Variants in SNRNP200 observed in about 807,000 individuals in gnomAD.
The protein encoded by SNRNP200 is small nuclear ribonucleoprotein U5 subunit 200.
SNRNP200 carries 66 observed loss-of-function variants against 255.2 expected under a neutral mutation model. The observed-to-expected ratio is 0.26, with a 90% CI of 0.21 to 0.32. The LOEUF (loss-of-function observed/expected upper bound fraction) is 0.32, where lower values mean the gene tolerates loss of function less well. Ranked by LOEUF, SNRNP200 falls within the 10% of genes least tolerant of loss-of-function variation. The pLI is 1.00. For missense variants in SNRNP200, 1,585 were observed against 2,749.8 expected, an observed-to-expected ratio of 0.58 and a Z score of 9.47; for synonymous variants, 939 against 1,027.8, an observed-to-expected ratio of 0.91 and a Z score of 1.65.
rs2063866129 is a variant in SNRNP200, at chr2:96,288,754, G to C, written c.3175-8C>G. The C allele has an allele frequency of 2.5e-6, 4 of 1,613,678 alleles. No homozygotes were observed. Among genetic ancestry groups the C allele is most frequent in the Non-Finnish European group, 3.4e-6 (4 of 1,179,668 alleles). ...TTGCAGAAGAACGTTGATCTGTAAA[G>C]AAGCAAAATCAGCCAGCAGGAGACC... On this transcript the variant is annotated splice_polypyrimidine_tract_variant and splice_region_variant and intron_variant, in intron 23 of 44. Coordinates refer to ENST00000323853, the MANE Select transcript of SNRNP200 (RefSeq NM_014014.5).
Position 96,277,475 on chromosome 2 carries a change from G to A in SNRNP200, c.5931+64C>T, listed in dbSNP as rs1573987819. ...CTGAGACTCACCTCCCGCAACCCAC[G>A]CTCGGTCCACAACACTGGGCTCTCA... On this transcript the variant is annotated intron_variant, in intron 41 of 44. Coordinates refer to ENST00000323853, the MANE Select transcript of SNRNP200 (RefSeq NM_014014.5). This position sits in a 1 kb window ranked among gnomAD's most constrained non-coding sequence, Gnocchi z 4.4. 5.7e-6 allele frequency: 9 copies of A among 1,587,228 alleles called. No individual in the cohort carries two copies. Among genetic ancestry groups the A allele is most frequent in the Admixed American group, 3.3e-5 (2 of 59,962 alleles).
chr2:96,296,069 G>T (rs1020188930), intron 13 of SNRNP200, among the ~76,000 whole-genome samples: 5 of 152,076 alleles, frequency 3.3e-5, no homozygotes, highest in Non-Finnish European at 7.4e-5. Flanking sequence ...GGAAGTTAAG[G>T]CTGCAGTGAG....
Position 96,278,065 on chromosome 2 carries a change from GT to G in SNRNP200, c.5611-116del. ...ACAGCCCTTCAACACCCTGAGGCAT[GT>G]GGGTGGTAATGGGATGGAGATGGGT... On this transcript the variant is annotated intron_variant, in intron 39 of 44. Transcript: ENST00000323853. This position sits in a 1 kb window ranked among gnomAD's most constrained non-coding sequence, Gnocchi z 6.9. 1 of 1,538,648 alleles carries G rather than the reference GT, an allele frequency of 6.5e-7. No homozygotes were observed. The highest frequency in any genetic ancestry group is 9.0e-7 in the Non-Finnish European group (1 of 1,113,578).
In SNRNP200 at chr2:96,283,005, A is replaced by G. The variant is rs903482051; in HGVS notation, c.4915+196T>C. 1 of 689,314 alleles carries G rather than the reference A, an allele frequency of 1.5e-6. No homozygotes were observed. Among genetic ancestry groups the G allele is most frequent in the African/African-American group, 1.8e-5 (1 of 56,648 alleles). 42.7% of individuals were successfully genotyped at this position (689,314 alleles called of 1,614,324 possible). On this transcript the variant is annotated intron_variant, in intron 34 of 44. Transcript: ENST00000323853. The surrounding 1 kb of genome is among the most constrained non-coding windows in gnomAD (Gnocchi z 4.7). ...TGTCTGCCTGTTTTCTCACCTGGCA[A>G]GTAGGGATAGTGTTTGTCTCACCTG...
At chr2:96,284,237 C>T (rs1199924421) in intron 31 of SNRNP200, 121 bp downstream of exon 31, 4 of 928,086 alleles carry the variant, frequency 4.3e-6, no homozygotes, top group Non-Finnish European at 7.0e-6. Flanking sequence ...AATAGGGCAG[C>T]AGGTAGAATC....
rs766502324 is a variant in SNRNP200, at chr2:96,286,233, C to G, written c.4003+78G>C. On this transcript the variant is annotated intron_variant, in intron 29 of 44. Coordinates refer to ENST00000323853, the MANE Select transcript of SNRNP200 (RefSeq NM_014014.5). This position sits in a 1 kb window ranked among gnomAD's most constrained non-coding sequence, Gnocchi z 4.8. Reference sequence around the variant, plus strand: ...GACCTCCCAAGTGCCTGAGCACCCCCACTCCCCTGCCTGCCACAGAGCACA... The same window carrying G: ...GACCTCCCAAGTGCCTGAGCACCCCGACTCCCCTGCCTGCCACAGAGCACA... 1.6e-5 allele frequency: 24 copies of G among 1,470,304 alleles called. No homozygotes were observed. The highest frequency in any genetic ancestry group is 2.3e-5 in the Non-Finnish European group (24 of 1,050,306). 91.1% of individuals were successfully genotyped at this position (1,470,304 alleles called of 1,614,324 possible).
At chr2:96,302,868 C>T (rs189994624) in intron 3 of SNRNP200, among the ~76,000 whole-genome samples, 4 of 152,268 alleles carry the variant, frequency 2.6e-5, no homozygotes, top group Admixed American at 1.3e-4. Context: ...ATGGGTGTGG[C>T]GCTACCAGGC....
At chr2:96,304,630 C>G in intron 2 of SNRNP200, 75 bp downstream of exon 2, 1 of 1,590,036 alleles carries the variant, frequency 6.3e-7, no homozygotes. Context: ...AGCATTCCAG[C>G]AAAAATGCTG....
Position 96,283,636 on chromosome 2 carries a change from C to T in SNRNP200, c.4662G>A (p.Ser1554=), listed in dbSNP as rs1436360291. Residue 1554 remains serine, a synonymous_variant, in exon 33 of 45, where the codon TCG becomes TCA. Coordinates refer to ENST00000323853, the MANE Select transcript of SNRNP200 (RefSeq NM_014014.5). The surrounding 1 kb of genome is among the most constrained non-coding windows in gnomAD (Gnocchi z 4.7). ...KPVYHAITKH[S]PKKPVIVFVP... is the part of the protein sequence containing the mutation. ...CAAAGACAATGACAGGCTTCTTGGGCGAGTGCTTGGTGATAGCATGGTACA... is the reference window on the plus strand; with the variant it reads ...CAAAGACAATGACAGGCTTCTTGGGTGAGTGCTTGGTGATAGCATGGTACA... 5 of 1,613,936 alleles carry T rather than the reference C, an allele frequency of 3.1e-6. No individual in the cohort carries two copies. Among genetic ancestry groups the T allele is most frequent in the Non-Finnish European group, 3.4e-6 (4 of 1,180,036 alleles).
At position 96,278,977 on chromosome 2, in the gene SNRNP200, A is replaced by C; in HGVS notation, c.5155T>G (p.Tyr1719Asp). The change falls in exon 37 of 45, where the codon TAT becomes GAT. Residue 1719 changes from tyrosine (Y) to aspartate (D), a missense_variant. Around this residue, in one of 9 missense-constraint regions of SNRNP200, gnomAD observed 279 missense variants for 551.2 expected, o/e 0.51. Coordinates refer to ENST00000323853, the MANE Select transcript of SNRNP200 (RefSeq NM_014014.5). This position sits in a 1 kb window ranked among gnomAD's most constrained non-coding sequence, Gnocchi z 6.9. ...TGAGATTCTACTGGCAATGGCTCAT[A>C]TAAGAACTTCTTGAAGAAATCCTGT... Reference protein sequence around the residue: ...SKKDFFKKFLYEPLPVESHLD... With the variant: ...SKKDFFKKFLDEPLPVESHLD... 1 of 1,614,088 alleles carries C rather than the reference A, an allele frequency of 6.2e-7. No individual in the cohort carries two copies. Among genetic ancestry groups the C allele is most frequent in the South Asian group, 1.1e-5 (1 of 91,074 alleles).
rs2063870440 is a variant in SNRNP200, at chr2:96,289,525, C to T, written c.2941-146G>A. On this transcript the variant is annotated intron_variant, in intron 21 of 44. Transcript: ENST00000323853. ...CAATGTCATTATTGTCCTAATAGGA[C>T]AACTGGATGAAGTCACAGCAGTACA... is the stretch of plus-strand genomic sequence containing the variant. 16 of 905,076 alleles carry T rather than the reference C, an allele frequency of 1.8e-5. No individual in the cohort carries two copies. In the South Asian group the frequency reaches 2.1e-4, roughly 12 times the overall value. The allele number at this position is 905,076 out of a possible 1,614,324, so 56.1% of individuals were successfully genotyped here.
At chr2:96,285,465 A>T (rs2063838628) in intron 29 of SNRNP200, 125 bp from the exon 30 acceptor site, 3 of 1,084,274 alleles carry the variant, frequency 2.8e-6, no homozygotes, top group Non-Finnish European at 1.4e-6. Flanking sequence ...TGGAGTGCAG[A>T]CAGAGGAGCT....
In SNRNP200 at chr2:96,305,447, T is replaced by C. The variant is rs763050247; in HGVS notation, c.-10A>G. 2 of 1,613,760 alleles carry C rather than the reference T, an allele frequency of 1.2e-6. No individual in the cohort carries two copies. Among genetic ancestry groups the C allele is most frequent in the Middle Eastern group, 1.7e-4 (1 of 6,060 alleles). On this transcript the variant is annotated 5_prime_UTR_variant, in exon 1 of 45. Transcript: ENST00000323853. ...CGGTTACATCCGCCATGGCCGCGGC[T>C]GCTCGGAGGCTTCAGACCACCACGC...
rs1319160063 is a variant in SNRNP200, at chr2:96,290,129, C to T, written c.2743-133G>A. The T allele has an allele frequency of 4.0e-5, 42 of 1,052,810 alleles. 1 individual carries two copies. In the East Asian group the frequency reaches 9.9e-4, roughly 25 times the overall value. The allele number at this position is 1,052,810 out of a possible 1,614,324, so 65.2% of individuals were successfully genotyped here. On this transcript the variant is annotated intron_variant, in intron 20 of 44. Coordinates refer to ENST00000323853, the MANE Select transcript of SNRNP200 (RefSeq NM_014014.5). The surrounding 1 kb of genome is among the most constrained non-coding windows in gnomAD (Gnocchi z 4.5). ...TACATCGTATTCTGAATGTTTTTAG[C>T]ATTTCATTATTAAAAAGATCTAAGC...
At position 96,279,635 on chromosome 2, in the gene SNRNP200, G is replaced by T; in HGVS notation, c.5025-76C>A. ...ATGCTCAGGAAGCCCAACTCCCTTC[G>T]CCAAGTAAGAGTAAAATGTTAATAC... On this transcript the variant is annotated intron_variant, in intron 35 of 44. Transcript: ENST00000323853. 4 of 882,546 alleles carry T rather than the reference G, an allele frequency of 4.5e-6. No homozygotes were observed. In the South Asian group the frequency reaches 5.5e-5, roughly 12 times the overall value. 54.7% of individuals were successfully genotyped at this position (882,546 alleles called of 1,614,324 possible).
rs756675519 is a variant in SNRNP200 at position 96,287,980 on chromosome 2, A to C, written c.3259-11T>G. ...CAACCGGCCAGCCGACTAAGCAAAG[A>C]AGCAGCATTCCCACTGTTAAGTCTC... On this transcript the variant is annotated splice_polypyrimidine_tract_variant and intron_variant, in intron 24 of 44. Coordinates refer to ENST00000323853, the MANE Select transcript of SNRNP200 (RefSeq NM_014014.5). This position sits in a 1 kb window ranked among gnomAD's most constrained non-coding sequence, Gnocchi z 5.7. 6.2e-6 allele frequency: 10 copies of C among 1,613,144 alleles called. No homozygotes were observed. Among genetic ancestry groups the C allele is most frequent in the Non-Finnish European group, 7.6e-6 (9 of 1,179,086 alleles).
chr2:96,298,213 T>C (rs2063930782), intron 9 of SNRNP200, 71 bp downstream of exon 9: 1 of 1,603,432 alleles, frequency 6.2e-7, no homozygotes, highest in East Asian at 2.2e-5. Flanking sequence ...AACATGAATT[T>C]AGCTTCATGC....
chr2:96,286,903 G>T lies in SNRNP200; in HGVS notation c.3640-26C>A. ...CTGCCAACAGGAGCAAGGGTAAAAG[G>T]AATGTGAGTCAACGTAGACTGAGTG... On this transcript the variant is annotated intron_variant, in intron 27 of 44. Transcript: ENST00000323853. The surrounding 1 kb of genome is among the most constrained non-coding windows in gnomAD (Gnocchi z 4.8). The T allele has an allele frequency of 6.2e-7, 1 of 1,614,152 alleles. No homozygotes were observed. Among genetic ancestry groups the T allele is most frequent in the South Asian group, 1.1e-5 (1 of 91,078 alleles).
chr2:96,298,237 C>T (rs1455683923), intron 9 of SNRNP200, 47 bp downstream of exon 9: 1 of 1,613,348 alleles, frequency 6.2e-7, no homozygotes, highest in African/African-American at 1.3e-5. Flanking sequence ...AATCTTCTAG[C>T]CACCGTTAGC....
Sources: allele counts gnomAD v4.1 joint callset (sites outside exome capture counted in the v4.1 genomes callset), GRCh38; gene constraint gnomAD v4.1.1; regional missense constraint gnomAD v4.1.1; non-coding constraint Gnocchi (gnomAD v3.1); transcripts MANE v1.5; gene names NCBI Gene and HGNC (gene_info 2026-07-23, HGNC 2026-07-21).